The following INPP4B variants were observed in gnomAD, a reference collection of about 807,000 sequenced individuals.
INPP4B encodes the protein inositol polyphosphate-4-phosphatase type II B.
A neutral mutation model predicts 122.5 loss-of-function variants in INPP4B; 55 were observed. The observed-to-expected ratio is 0.45, with a 90% CI of 0.36 to 0.56. The LOEUF (loss-of-function observed/expected upper bound fraction) is 0.56, where lower values mean the gene tolerates loss of function less well. Among genes scored for constraint, INPP4B ranks in the 20% least tolerant of loss-of-function variants. INPP4B has a pLI of 0.00. For synonymous variants in INPP4B, 403 were observed against 388.7 expected, an observed-to-expected ratio of 1.04 and a Z score of -0.43; for missense variants, 1,000 against 1,097.7, an observed-to-expected ratio of 0.91 and a Z score of 1.26.
At chr4:142,692,530 C>T (rs1411899995) in intron 2 of INPP4B, among the ~76,000 whole-genome samples, 5 of 152,156 alleles carry the variant, frequency 3.3e-5, no homozygotes, top group African/African-American at 1.2e-4. Context: ...GCGAGACCCC[C>T]ATCTTTTATT....
intron 1 of INPP4B, among the ~76,000 whole-genome samples, chr4:142,746,137 C>A (rs543949531): frequency 6.6e-6 from 1 of 152,022 alleles, no homozygotes; most frequent in Admixed American, 6.6e-5. Flanking sequence ...AAATACTACA[C>A]ACACATTCTC....
intron 2 of INPP4B, among the ~76,000 whole-genome samples, chr4:142,590,695 T>G (rs1280893417): frequency 4.0e-5 from 6 of 151,660 alleles, no homozygotes; most frequent in Non-Finnish European, 7.4e-5. Context: ...ATATAATATA[T>G]AGAGGTTATA....
chr4:142,530,140 GA>G (rs1440020847), intron 2 of INPP4B, among the ~76,000 whole-genome samples: 5 of 152,078 alleles, frequency 3.3e-5, no homozygotes, highest in Non-Finnish European at 7.4e-5. Context: ...TCTGAGGTCT[GA>G]AAGTACATTA....
chr4:142,805,371 T>C (rs1032974070), intron 1 of INPP4B, among the ~76,000 whole-genome samples: 1 of 152,130 alleles, frequency 6.6e-6, no homozygotes, highest in Non-Finnish European at 1.5e-5. Context: ...AAAGAATGGA[T>C]GGAATAAACT....
At chr4:142,467,993 C>G (rs141068732) in intron 2 of INPP4B, 1 of 152,062 alleles carries the variant, frequency 6.6e-6, no homozygotes, top group African/African-American at 2.4e-5. Flanking sequence ...CCTTCCACCA[C>G]GAGTGGAAGC....
chr4:142,066,021 C>G (rs6849189), intron 25 of INPP4B, among the ~76,000 whole-genome samples: 3,787 of 152,086 alleles, frequency 0.025, 174 homozygotes, highest in African/African-American at 0.087. Context: ...TTCCTTTCCC[C>G]CAAGAGTGTA....
At chr4:142,791,023 T>A (rs370602301) in intron 1 of INPP4B, among the ~76,000 whole-genome samples, 48 of 152,266 alleles carry the variant, frequency 3.2e-4, no homozygotes, top group Admixed American at 1.2e-3. Context: ...ATACCTAGCA[T>A]CTATATAAAA....
intron 1 of INPP4B, among the ~76,000 whole-genome samples, chr4:142,825,786 T>TA (rs1005441916): frequency 9.3e-5 from 14 of 150,734 alleles, no homozygotes; most frequent in South Asian, 6.3e-4. Context: ...GGATAAAATA[T>TA]AAAAAAAAAT....
intron 11 of INPP4B, among the ~76,000 whole-genome samples, chr4:142,256,116 A>G (rs1735856773): frequency 6.7e-6 from 1 of 149,248 alleles, no homozygotes; most frequent in African/African-American, 2.5e-5. Flanking sequence ...TGGGTACATA[A>G]CGAAATGAAG....
At chr4:142,229,347 A>G (rs1853107017) in intron 12 of INPP4B, among the ~76,000 whole-genome samples, 1 of 152,166 alleles carries the variant, frequency 6.6e-6, no homozygotes, top group African/African-American at 2.4e-5. Context: ...GATTCTCAAT[A>G]AAGTATTTAG....
At chr4:142,492,805 A>C (rs2149788522) in intron 2 of INPP4B, among the ~76,000 whole-genome samples, 1 of 152,288 alleles carries the variant, frequency 6.6e-6, no homozygotes, top group Admixed American at 6.5e-5. Context: ...GAGAAATCCA[A>C]GCTTGCTGCA....
At chr4:142,205,052 G>A (rs993517670) in intron 14 of INPP4B, among the ~76,000 whole-genome samples, 1 of 151,918 alleles carries the variant, frequency 6.6e-6, no homozygotes, top group Admixed American at 6.6e-5. Context: ...CTTTTAGTTG[G>A]CAGATTGTTT....
intron 2 of INPP4B, among the ~76,000 whole-genome samples, chr4:142,633,778 T>G (rs1468447991): frequency 6.6e-6 from 1 of 151,828 alleles, no homozygotes; most frequent in Non-Finnish European, 1.5e-5. Context: ...TGATAAAAAC[T>G]TGGAGAGAAT....
At chr4:142,422,454 C>T (rs1226866470) in intron 5 of INPP4B, among the ~76,000 whole-genome samples, 2 of 151,800 alleles carry the variant, frequency 1.3e-5, no homozygotes, top group Non-Finnish European at 2.9e-5. Context: ...TTAGAAGGCG[C>T]CCAGAAAATG....
intron 2 of INPP4B, among the ~76,000 whole-genome samples, chr4:142,543,698 TA>T (rs1829206169): frequency 6.6e-6 from 1 of 152,162 alleles, no homozygotes; most frequent in Non-Finnish European, 1.5e-5. Context: ...TTGAATTCCA[TA>T]AGACTTATTG....
intron 9 of INPP4B, among the ~76,000 whole-genome samples, chr4:142,274,356 C>T (rs986944376): frequency 1.3e-5 from 2 of 151,838 alleles, no homozygotes; most frequent in Non-Finnish European, 2.9e-5. Flanking sequence ...AAGAGTTGGT[C>T]TCTAACAGCT....
At chr4:142,646,858 AAACT>A (rs1287217970) in intron 2 of INPP4B, among the ~76,000 whole-genome samples, 2 of 152,206 alleles carry the variant, frequency 1.3e-5, no homozygotes, top group East Asian at 3.9e-4. Flanking sequence ...GGACCATACA[AAACT>A]AAGCAAACCA....
chr4:142,451,773 C>T (rs1364323431), intron 3 of INPP4B, among the ~76,000 whole-genome samples: 1 of 152,280 alleles, frequency 6.6e-6, no homozygotes, highest in East Asian at 1.9e-4. Context: ...CACAAAGCAG[C>T]AAGGCAGAGA....
At chr4:142,764,660 T>C (rs541170413) in intron 1 of INPP4B, among the ~76,000 whole-genome samples, 1 of 152,242 alleles carries the variant, frequency 6.6e-6, no homozygotes, top group East Asian at 1.9e-4. Context: ...CCTAAATCTC[T>C]GAGGATTTCT....
Sources: allele counts gnomAD v4.1 joint callset (sites outside exome capture counted in the v4.1 genomes callset), GRCh38; gene constraint gnomAD v4.1.1; transcripts MANE v1.5; gene names NCBI Gene and HGNC (gene_info 2026-07-23, HGNC 2026-07-21).